SBF1: variants seen among roughly 807,000 people sequenced by gnomAD.
SBF1 encodes the protein myotubularin-related protein 5.
SBF1 carries 65 observed loss-of-function variants against 215.8 expected under a neutral mutation model. The ratio of observed to expected loss-of-function variants is 0.30; its 90% CI spans 0.25 to 0.37. SBF1 has a LOEUF of 0.37. Among genes scored for constraint, SBF1 ranks in the 10% least tolerant of loss-of-function variants. SBF1 has a pLI of 1.00. For synonymous variants in SBF1, 1,410 were observed against 1,122.8 expected, an observed-to-expected ratio of 1.26 and a Z score of -5.11; for missense variants, 2,634 against 2,667.8, an observed-to-expected ratio of 0.99 and a Z score of 0.28.
At chr22:50,466,309 G>C (rs759612482) in intron 7 of SBF1, 41 bp downstream of exon 7, 33 of 1,608,344 alleles carry the variant, frequency 2.1e-5, no homozygotes, top group Admixed American at 1.5e-4. Context: ...GCTGGGCAAA[G>C]GGGCCAGGAG....
chr22:50,457,168 C>G, intron 28 of SBF1, 57 bp from the exon 29 acceptor site: 4 of 1,369,828 alleles, frequency 2.9e-6, no homozygotes, highest in Non-Finnish European at 3.8e-6. Context: ...GCGTGCCCAG[C>G]TTGGGGGTGC....
In SBF1 at chr22:50,462,737, A is replaced by C. The variant is rs751966353; in HGVS notation, c.1969-20T>G. ...CAGCTTCTGCAGGAGCCAGGGGAGA[A>C]GGTCAGCTGGATGCAGCCAGGAAGG... On this transcript the variant is annotated intron_variant, in intron 17 of 40. Coordinates refer to ENST00000380817, the MANE Select transcript of SBF1 (RefSeq NM_002972.4). 6 of 1,610,430 alleles carry C rather than the reference A, an allele frequency of 3.7e-6. No individual in the cohort carries two copies. The South Asian group carries it at 6.6e-5, about 18-fold the overall frequency.
chr22:50,466,010 G>A lies in SBF1; in HGVS notation c.962C>T (p.Pro321Leu), dbSNP rs1256857066. ...ACTCTGCAGTGGCTCTGGCAAGGGTGGAATGTGCACACACTCAGGAATGGT... is the reference window on the plus strand; with the variant it reads ...ACTCTGCAGTGGCTCTGGCAAGGGTAGAATGTGCACACACTCAGGAATGGT... ...TVTIPECVHI[P>L]PLPEPLQSQT... is the part of the protein sequence containing the mutation. The change falls in exon 9 of 41, where the codon CCA becomes CTA. Residue 321 changes from proline to leucine, a missense_variant. Coordinates refer to ENST00000380817, the MANE Select transcript of SBF1 (RefSeq NM_002972.4). 1 of 1,613,966 alleles carries A rather than the reference G, an allele frequency of 6.2e-7. No individual in the cohort carries two copies.
In SBF1 at chr22:50,463,228, C is replaced by G. The variant is rs551327557; in HGVS notation, c.1899+55G>C. 1.6e-4 allele frequency: 256 copies of G among 1,603,088 alleles called. No homozygotes were observed. The Middle Eastern group carries it at 3.8e-3, about 24-fold the overall frequency. ...TCACTCACAGACCAGGGTCTGCCCG[C>G]CTGTTCCCGCTCATGCGCCATGAGC... On this transcript the variant is annotated intron_variant, in intron 16 of 40. Coordinates refer to ENST00000380817, the MANE Select transcript of SBF1 (RefSeq NM_002972.4).
At position 50,460,314 on chromosome 22, in the gene SBF1, G is replaced by C. The variant is rs371278125; in HGVS notation, c.3241C>G (p.Arg1081Gly). ...TGGTCCTCAGGGGGCGGCTGGCCCC[G>C]GTGCTCCCAGCTGGGGGGGTTGTAC... ...KKYNPPSWEH[R>G]GQPPPEDQED... The change falls in exon 25 of 41, where the codon CGG (arginine) becomes GGG (glycine). Residue 1081 changes from arginine (R) to glycine (G), a missense_variant. Coordinates refer to ENST00000380817, the MANE Select transcript of SBF1 (RefSeq NM_002972.4). 1 of 1,612,174 alleles carries C rather than the reference G, an allele frequency of 6.2e-7. No individual in the cohort carries two copies. Among genetic ancestry groups the C allele is most frequent in the South Asian group, 1.1e-5 (1 of 90,888 alleles).
At chr22:50,458,473 G>GC (rs1345679621) in intron 28 of SBF1, among the ~76,000 whole-genome samples, 3 of 152,174 alleles carry the variant, frequency 2.0e-5, no homozygotes, top group African/African-American at 7.2e-5. Flanking sequence ...GGAAGCACAG[G>GC]CATGGGGGGT....
In SBF1 at chr22:50,475,027, G is replaced by A. The variant is rs1186433839; in HGVS notation, c.-187C>T. 2.6e-5 allele frequency: 5 copies of A among 195,904 alleles called. No homozygotes were observed. Among genetic ancestry groups the A allele is most frequent in the African/African-American group, 7.1e-5 (3 of 42,026 alleles). 12.1% of individuals were successfully genotyped at this position (195,904 alleles called of 1,614,324 possible). On this transcript the variant is annotated 5_prime_UTR_variant, in exon 1 of 41. Coordinates refer to ENST00000380817, the MANE Select transcript of SBF1 (RefSeq NM_002972.4). The stretch of plus-strand genomic sequence containing the variant: ...CCCGCCGCCATCTTCCCAGCCAGCC[G>A]GCCCGCCCGGGCGCGCCGTGCGCCT...
intron 18 of SBF1, 29 bp from the exon 19 acceptor site, chr22:50,462,502 G>A: frequency 6.2e-7 from 1 of 1,611,934 alleles, no homozygotes; most frequent in South Asian, 1.1e-5. Flanking sequence ...CATGAGCCGG[G>A]GCCACGCTGC....
At chr22:50,457,500 C>T (rs1307504896) in intron 28 of SBF1, among the ~76,000 whole-genome samples, 8 of 152,376 alleles carry the variant, frequency 5.3e-5, no homozygotes, top group Admixed American at 1.3e-4. Flanking sequence ...ACGCTCCACA[C>T]ATGAGCATGT....
At chr22:50,474,361 G>T (rs1044130361) in intron 1 of SBF1, among the ~76,000 whole-genome samples, 2 of 152,310 alleles carry the variant, frequency 1.3e-5, no homozygotes, top group Middle Eastern at 3.4e-3. Context: ...GCGAGCCGCG[G>T]GTCCGCGCCC....
At position 50,467,626 on chromosome 22, in the gene SBF1, T is replaced by C; in HGVS notation, c.344A>G (p.His115Arg). The C allele has an allele frequency of 1.2e-6, 2 of 1,610,826 alleles. No individual in the cohort carries two copies. The highest frequency in any genetic ancestry group is 1.7e-6 in the Non-Finnish European group (2 of 1,178,742). ...EEEGDEGGQT[H>R]LSPTAPAPSA... ...TGGGGCAGGTGCTGTGGGAGACAGG[T>C]GGGTCTGGCCTCCCTCATCCCCCTC... Residue 115 changes from histidine (H) to arginine (R), a missense_variant, in exon 4 of 41, where the codon CAC becomes CGC. By Grantham distance (29) the His-to-Arg change is conservative. Transcript: ENST00000380817.
chr22:50,461,152 GCC>G lies in SBF1; in HGVS notation c.2967+5_2967+6del. ...GATGAGAGCCCCACCCGCGCACCGC[GCC>G]CCACCTGGAATGTGCAGGAGCGCAG... On this transcript the variant is annotated splice_donor_5th_base_variant and intron_variant, in intron 23 of 40. Transcript: ENST00000380817. 1 of 1,590,690 alleles carries G rather than the reference GCC, an allele frequency of 6.3e-7. No individual in the cohort carries two copies. The highest frequency in any genetic ancestry group is 8.6e-7 in the Non-Finnish European group (1 of 1,165,998).
chr22:50,449,583 C>T lies in SBF1; in HGVS notation c.5044-933G>A, dbSNP rs1420066550. 5.9e-5 allele frequency among the ~76,000 whole-genome samples: 9 copies of T among 151,768 alleles called. No individual in the cohort carries two copies. The South Asian group carries it at 1.9e-3, about 32-fold the overall frequency. On this transcript the variant is annotated intron_variant, in intron 36 of 40. Transcript: ENST00000380817. ...TGAGCCGAGATCACACCACTGCCCT[C>T]CAGCCTGGGCGGCAAAGTGAGATTC...
rs1603432066 is a variant in SBF1, at chr22:50,459,268, G to A, written c.3813C>T (p.His1271=). 2 of 1,604,036 alleles carry A rather than the reference G, an allele frequency of 1.2e-6. No individual in the cohort carries two copies. Among genetic ancestry groups the A allele is most frequent in the Middle Eastern group, 1.7e-4 (1 of 6,044 alleles). Residue 1271 remains histidine (H), a synonymous_variant, in exon 28 of 41, where the codon CAC becomes CAT. Transcript: ENST00000380817. ...AAGCACCCTCACCGTGACTGCCCATGTGGGCTGAGGAGAAGCCGCTAAGCG... is the reference window on the plus strand; with the variant it reads ...AAGCACCCTCACCGTGACTGCCCATATGGGCTGAGGAGAAGCCGCTAAGCG... ...RNTLSGFSSA[H]MGSHVPSPRA... is the part of the protein sequence containing the mutation.
At chr22:50,465,881 C>G in intron 9 of SBF1, 41 bp from the exon 10 acceptor site, 1 of 1,611,458 alleles carries the variant, frequency 6.2e-7, no homozygotes, top group South Asian at 1.1e-5. Context: ...ACGCTGGCCC[C>G]GGCTCTAGGC....
chr22:50,467,105 G>A lies in SBF1; in HGVS notation c.549+233C>T, dbSNP rs1258937908. On this transcript the variant is annotated intron_variant, in intron 5 of 40. Coordinates refer to ENST00000380817, the MANE Select transcript of SBF1 (RefSeq NM_002972.4). ...AGCTGACATCAACATCCAGAGACAG[G>A]CACACACCATCAAAGGAGTGGACAG... The A allele has an allele frequency of 8.4e-6, 5 of 594,050 alleles. No homozygotes were observed. The Admixed American group carries it at 1.2e-4, about 14-fold the overall frequency. The allele number at this position is 594,050 out of a possible 1,614,324, so 36.8% of individuals were successfully genotyped here. A position where few individuals can be genotyped will look rare whatever the true frequency, so the allele number is the denominator to read the frequency against.
In SBF1 at chr22:50,456,356, G is replaced by A. The variant is rs765488708; in HGVS notation, c.4126C>T (p.Pro1376Ser). Residue 1376 changes from proline (P) to serine (S), a missense_variant, in exon 31 of 41, where the codon CCC becomes TCC. Physicochemically the swap from Pro to Ser is moderately conservative, Grantham distance 74. Coordinates refer to ENST00000380817, the MANE Select transcript of SBF1 (RefSeq NM_002972.4). Reference protein sequence around the residue: ...SDPLQQWELVPIEVFEARQVK... With the variant: ...SDPLQQWELVSIEVFEARQVK... Reference sequence around the variant, plus strand: ...TGCCGTGCCTCGAATACCTCAATGGGCACCAGCTCCCACTGCTGCAGGGGG... The same window carrying A: ...TGCCGTGCCTCGAATACCTCAATGGACACCAGCTCCCACTGCTGCAGGGGG... 2 of 1,613,262 alleles carry A rather than the reference G, an allele frequency of 1.2e-6. No individual in the cohort carries two copies. Among genetic ancestry groups the A allele is most frequent in the Non-Finnish European group, 1.7e-6 (2 of 1,179,992 alleles).
At position 50,462,060 on chromosome 22, in the gene SBF1, G is replaced by A. The variant is rs748320107; in HGVS notation, c.2456C>T (p.Thr819Ile). ...GACCACAGCCCCAGCTACGTCGCAG[G>A]TCTCTGCATCCTCGAAGCCGCTCTC... is the stretch of plus-strand genomic sequence containing the variant. ...DTESGFEDAE[T>I]CDVAGAVVRF... The change falls in exon 20 of 41, where the codon ACC (threonine) becomes ATC (isoleucine). Residue 819 changes from threonine (T) to isoleucine (I), a missense_variant. Coordinates refer to ENST00000380817, the MANE Select transcript of SBF1 (RefSeq NM_002972.4). The A allele has an allele frequency of 1.2e-6, 2 of 1,614,058 alleles. No individual in the cohort carries two copies. The highest frequency in any genetic ancestry group is 1.7e-6 in the Non-Finnish European group (2 of 1,180,054).
At position 50,455,279 on chromosome 22, in the gene SBF1, C is replaced by T. The variant is rs760137821; in HGVS notation, c.4499G>A (p.Gly1500Glu). 1.7e-5 allele frequency: 28 copies of T among 1,613,342 alleles called. No individual in the cohort carries two copies. The South Asian group carries it at 3.1e-4, about 18-fold the overall frequency. The change falls in exon 33 of 41, where the codon GGG becomes GAG. Residue 1500 changes from glycine (G) to glutamate (E), a missense_variant. Gly to Glu is a moderately conservative substitution (Grantham distance 98, BLOSUM62 -2). Transcript: ENST00000380817. ...FSHRGAHTLAGQSSGFTPVFL... is the reference protein window; with the variant it reads ...FSHRGAHTLAEQSSGFTPVFL... The stretch of plus-strand genomic sequence containing the variant: ...GACGGGTGTGAAGCCGCTGCTCTGC[C>T]CGGCCAGGGTGTGAGCTCCACGGTG...
Sources: gnomAD v4.1 joint callset for allele counts (sites outside exome capture counted in the v4.1 genomes callset) on GRCh38, gnomAD v4.1.1 for gene constraint, MANE v1.5 for transcripts, NCBI Gene and HGNC (gene_info 2026-07-23, HGNC 2026-07-21) for gene names.